Variants in NTAQ1 observed in about 807,000 individuals in gnomAD.
The protein encoded by NTAQ1 is N-terminal glutamine amidase 1.
Under a neutral mutation model 28.2 loss-of-function variants are expected in NTAQ1, and 21 were observed. The observed-to-expected ratio is 0.74, with a 90% confidence interval of 0.53 to 1.07. The LOEUF is 1.07. Among genes scored for constraint, NTAQ1 ranks in the 50% least tolerant of loss-of-function variants. The pLI is 0.00. For synonymous variants in NTAQ1, 105 were observed against 90.0 expected (o/e 1.17, Z -0.94); for missense variants, 264 against 256.6 (o/e 1.03, Z -0.20).
intron 1 of NTAQ1, among the ~76,000 whole-genome samples, chr8:123,422,606 G>GTTTTTTTTT (rs112284256): frequency 2.2e-5 from 3 of 134,420 alleles, no homozygotes; most frequent in African/African-American, 8.5e-5. Context: ...TCCATTGATA[G>GTTTTTTTTT]TTTTTTTTTT....
chr8:123,437,060 A>G lies in NTAQ1; in HGVS notation c.384-150A>G, dbSNP rs1247942618. 6 of 1,007,062 alleles carry G rather than the reference A, an allele frequency of 6.0e-6. 1 individual carries two copies. Among genetic ancestry groups the G allele is most frequent in the Non-Finnish European group, 8.5e-6 (6 of 709,114 alleles). 62.4% of individuals were successfully genotyped at this position (1,007,062 alleles called of 1,614,324 possible). Reference sequence around the variant, plus strand: ...GGTTGATCATTTCCTATGCTTCTCTAATAGGTAGTAAAGTTGCCTGTATTA... The same window carrying G: ...GGTTGATCATTTCCTATGCTTCTCTGATAGGTAGTAAAGTTGCCTGTATTA... On this transcript the variant is annotated intron_variant, in intron 4 of 5. Coordinates refer to ENST00000287387, the MANE Select transcript of NTAQ1 (RefSeq NM_018024.3).
exon 7 of NTAQ1, among the ~76,000 whole-genome samples, chr8:123,469,238 G>A (rs1274409014): frequency 6.6e-6 from 1 of 152,000 alleles, no homozygotes; most frequent in African/African-American, 2.4e-5. Flanking sequence ...AATTCCATTT[G>A]TCTACTTTTG....
chr8:123,439,783 C>T (rs1814938033), intron 5 of NTAQ1, among the ~76,000 whole-genome samples: 1 of 151,868 alleles, frequency 6.6e-6, no homozygotes, highest in Non-Finnish European at 1.5e-5. Flanking sequence ...AGCCACTGTG[C>T]CTGGCCCATA....
downstream of NTAQ1, among the ~76,000 whole-genome samples, chr8:123,444,936 A>G (rs553260703): frequency 1.1e-4 from 17 of 152,318 alleles, no homozygotes; most frequent in South Asian, 2.9e-3. Flanking sequence ...AGAACTGGCT[A>G]TCCCTGATTG....
rs114943018 is a variant in NTAQ1, at chr8:123,422,737, G to T, written c.84-5187G>T. ...TTTGCCAGGGCCTATGTCTGGAGTG[G>T]TATTTCCTAGGTTTTCTTCTAGGGT... On this transcript the variant is annotated intron_variant, in intron 1 of 5. Coordinates refer to ENST00000287387, the MANE Select transcript of NTAQ1 (RefSeq NM_018024.3). Among the ~76,000 whole-genome samples the T allele has an allele frequency of 7.2e-3, 1,089 of 151,984 alleles. 9 individuals carry two copies. The highest frequency in any genetic ancestry group is 0.025 in the African/African-American group (1,021 of 41,428).
At chr8:123,423,379 C>CT (rs1472284385) in intron 1 of NTAQ1, among the ~76,000 whole-genome samples, 13 of 147,370 alleles carry the variant, frequency 8.8e-5, no homozygotes, top group Non-Finnish European at 1.6e-4. Context: ...CCTCCTTTTC[C>CT]TCCCTTTCCC....
chr8:123,459,611 A>G (rs998894613), intron 6 of NTAQ1, among the ~76,000 whole-genome samples: 1 of 152,122 alleles, frequency 6.6e-6, no homozygotes, highest in East Asian at 1.9e-4. Context: ...CAAGGGATTC[A>G]GGAACTCTAA....
downstream of NTAQ1, among the ~76,000 whole-genome samples, chr8:123,471,469 C>T (rs1327951926): frequency 6.6e-6 from 1 of 152,234 alleles, no homozygotes; most frequent in South Asian, 2.1e-4. Flanking sequence ...AGTTGGCTCA[C>T]ATGATTATGG....
At chr8:123,454,012 T>C (rs947958653) in intron 6 of NTAQ1, among the ~76,000 whole-genome samples, 2 of 152,196 alleles carry the variant, frequency 1.3e-5, no homozygotes, top group African/African-American at 4.8e-5. Flanking sequence ...TGCTGTCTGT[T>C]GTAGGGCAGG....
chr8:123,428,670 G>A (rs944236439), intron 2 of NTAQ1, among the ~76,000 whole-genome samples: 5 of 150,800 alleles, frequency 3.3e-5, no homozygotes, highest in Admixed American at 2.0e-4. Context: ...GTGTGATCTC[G>A]GCTCACTGCA....
chr8:123,440,849 G>A (rs771427724), intron 5 of NTAQ1, among the ~76,000 whole-genome samples: 3 of 152,090 alleles, frequency 2.0e-5, no homozygotes, highest in Non-Finnish European at 4.4e-5. Context: ...ACTCTGACAT[G>A]ACCCTTCTGA....
intron 2 of NTAQ1, 27 bp from the exon 3 acceptor site, chr8:123,429,956 G>C (rs776183615): frequency 8.9e-6 from 14 of 1,569,170 alleles, no homozygotes; most frequent in Non-Finnish European, 1.1e-5. Context: ...TAAAGGTATG[G>C]CTTACGAAAT....
chr8:123,433,955 G>A (rs950139091), intron 3 of NTAQ1, among the ~76,000 whole-genome samples: 35 of 148,728 alleles, frequency 2.4e-4, no homozygotes, highest in African/African-American at 3.0e-4. Flanking sequence ...ATCAGCAATC[G>A]TTAGTGTTAG....
Position 123,416,874 on chromosome 8 carries a change from G to A in NTAQ1, c.25G>A (p.Val9Ile). 6.5e-7 allele frequency: 1 copy of A among 1,529,956 alleles called. No homozygotes were observed. The highest frequency in any genetic ancestry group is 8.8e-7 in the Non-Finnish European group (1 of 1,139,242). The allele number at this position is 1,529,956 out of a possible 1,614,324, so 94.8% of individuals were successfully genotyped here. The change falls in exon 1 of 6, where the codon GTC becomes ATC. Residue 9 changes from valine (V) to isoleucine (I), a missense_variant. Val to Ile is a conservative substitution (Grantham distance 29, BLOSUM62 3). Transcript: ENST00000287387. MEGNGPAA[V>I]HYQPASPPRD... ...CATGGAAGGTAATGGCCCCGCTGCT[G>A]TCCACTACCAGCCGGCCAGCCCCCC...
chr8:123,473,442 C>T (rs1282755354), downstream of NTAQ1, among the ~76,000 whole-genome samples: 2 of 152,092 alleles, frequency 1.3e-5, no homozygotes, highest in African/African-American at 4.8e-5. Flanking sequence ...ACTACAGGCA[C>T]ATGCCACCAC....
intron 1 of NTAQ1, among the ~76,000 whole-genome samples, chr8:123,421,916 G>A (rs967350203): frequency 2.0e-5 from 3 of 151,766 alleles, no homozygotes; most frequent in Admixed American, 1.3e-4. Flanking sequence ...TCCTGACCTC[G>A]TGATCCGCCT....
chr8:123,432,775 G>A (rs959180691), intron 3 of NTAQ1, among the ~76,000 whole-genome samples: 2 of 151,468 alleles, frequency 1.3e-5, no homozygotes, highest in East Asian at 2.0e-4. Context: ...TGACCCCCAA[G>A]GTTTAAGCAA....
intron 1 of NTAQ1, among the ~76,000 whole-genome samples, chr8:123,424,071 C>CTT (rs1481566301): frequency 2.2e-4 from 10 of 46,002 alleles, no homozygotes; most frequent in African/African-American, 6.5e-4. Flanking sequence ...TATTTTTATG[C>CTT]GTTTTTTTTT....
chr8:123,424,541 C>T (rs1448659684), intron 1 of NTAQ1, among the ~76,000 whole-genome samples: 1 of 151,180 alleles, frequency 6.6e-6, no homozygotes, highest in African/African-American at 2.4e-5. Context: ...TGCGCCTGGC[C>T]ATTAATTTTT....
Sources: allele counts gnomAD v4.1 joint callset (sites outside exome capture counted in the v4.1 genomes callset), GRCh38; gene constraint gnomAD v4.1.1; transcripts MANE v1.5; gene names NCBI Gene and HGNC (gene_info 2026-07-23, HGNC 2026-07-21).